Variants in ZC3H12B observed in about 807,000 individuals in gnomAD.
ZC3H12B encodes the protein zinc finger CCCH-type containing 12B, also known as probable ribonuclease ZC3H12B.
ZC3H12B carries 7 observed loss-of-function variants against 43.9 expected under a neutral mutation model. The ratio of observed to expected loss-of-function variants is 0.16; its 90% CI spans 0.09 to 0.30. The LOEUF is 0.30. Among genes scored for constraint, ZC3H12B ranks in the 10% least tolerant of loss-of-function variants. The probability of loss-of-function intolerance (pLI) is 1.00; values close to 1 mark genes in which losing one functional copy is unlikely to be tolerated. For missense variants in ZC3H12B, 475 were observed against 670.2 expected, an observed-to-expected ratio of 0.71 and a Z score of 3.22; for synonymous variants, 222 against 241.7, an observed-to-expected ratio of 0.92 and a Z score of 0.76.
the ZC3H12B span, among the ~76,000 whole-genome samples, chrX:65,192,281 A>C: frequency 1.8e-5 from 2 of 111,623 alleles, no homozygotes; most frequent in East Asian, 5.6e-4. Context: ...TATTTTGTTG[A>C]TTTGGGGTGG....
the ZC3H12B span, among the ~76,000 whole-genome samples, chrX:65,166,744 G>A: frequency 8.9e-6 from 1 of 111,821 alleles, no homozygotes; most frequent in Non-Finnish European, 1.9e-5. Flanking sequence ...ATTCTAACTG[G>A]TGTGAGATGG....
chrX:65,179,322 G>T, the ZC3H12B span, among the ~76,000 whole-genome samples: 1 of 109,429 alleles, frequency 9.1e-6, no homozygotes, highest in Admixed American at 9.9e-5. Context: ...CGGGTTGATG[G>T]TTGCAGCACA....
the ZC3H12B span, among the ~76,000 whole-genome samples, chrX:65,230,365 C>A: frequency 9.3e-6 from 1 of 107,909 alleles, no homozygotes. Context: ...AGGGGAACAT[C>A]ACACTCTGGG....
the ZC3H12B span, among the ~76,000 whole-genome samples, chrX:65,336,803 A>T: frequency 8.9e-6 from 1 of 112,466 alleles, no homozygotes; most frequent in African/African-American, 3.2e-5. Flanking sequence ...CAGTTCCATT[A>T]GCTCTCAAGT....
At chrX:65,226,816 C>T in the ZC3H12B span, among the ~76,000 whole-genome samples, 3 of 111,617 alleles carry the variant, frequency 2.7e-5, no homozygotes, top group Non-Finnish European at 3.8e-5. Flanking sequence ...GGGATCAATG[C>T]AACCAGAAGA....
At chrX:65,197,639 G>A in the ZC3H12B span, among the ~76,000 whole-genome samples, 1 of 111,998 alleles carries the variant, frequency 8.9e-6, no homozygotes, top group Non-Finnish European at 1.9e-5. Context: ...ACCTATTTAT[G>A]TCATTCCCCA....
chrX:65,119,305 G>C, the ZC3H12B span, among the ~76,000 whole-genome samples: 1 of 111,244 alleles, frequency 9.0e-6, no homozygotes, highest in African/African-American at 3.3e-5. Flanking sequence ...ATCCTCTCCA[G>C]CACCTGTTGT....
the ZC3H12B span, among the ~76,000 whole-genome samples, chrX:65,122,074 G>T: frequency 9.0e-6 from 1 of 110,866 alleles, no homozygotes; most frequent in African/African-American, 3.3e-5. Context: ...CAACTGTGTG[G>T]TCAGTTTTGG....
chrX:65,211,070 TAAAAAAAAAAAAAGAAAGAA>T, the ZC3H12B span, among the ~76,000 whole-genome samples: 3 of 28,228 alleles, frequency 1.1e-4, no homozygotes, highest in African/African-American at 2.8e-4. Context: ...TAGAGTATAA[TAAAAAAAAAAAAAGAAAGAA>T]AAAAAAAAAA....
At chrX:65,441,991 A>G (rs1016877265) in intron 3 of ZC3H12B, among the ~76,000 whole-genome samples, 2 of 106,764 alleles carry the variant, frequency 1.9e-5, no homozygotes, top group Non-Finnish European at 3.9e-5. Context: ...CATTTTGGAC[A>G]TATTTCAGGC....
At chrX:65,450,709 GTATATGTATACATATGTGTATA>G (rs1569413125) in intron 3 of ZC3H12B, among the ~76,000 whole-genome samples, 2 of 19,224 alleles carry the variant, frequency 1.0e-4, no homozygotes, top group Admixed American at 1.4e-3. Flanking sequence ...GTGTATATAT[GTATATGTATACATATGTGTATA>G]TATGTATATA....
At chrX:65,385,239 C>A (rs1250033302) in intron 2 of ZC3H12B, among the ~76,000 whole-genome samples, 1 of 112,000 alleles carries the variant, frequency 8.9e-6, no homozygotes, top group Non-Finnish European at 1.9e-5. Flanking sequence ...TTACCTTGGG[C>A]AGTATGGCCA....
chrX:65,098,518 G>A, the ZC3H12B span, among the ~76,000 whole-genome samples: 1 of 109,789 alleles, frequency 9.1e-6, no homozygotes, highest in Admixed American at 9.8e-5. Context: ...CAGGAGGCAG[G>A]TAATTTCTGC....
the ZC3H12B span, among the ~76,000 whole-genome samples, chrX:65,040,716 T>G: frequency 9.0e-6 from 1 of 111,187 alleles, no homozygotes; most frequent in African/African-American, 3.3e-5. Flanking sequence ...AGTCAATGGA[T>G]TATATGTAAA....
chrX:65,193,994 G>T, the ZC3H12B span, among the ~76,000 whole-genome samples: 3 of 110,581 alleles, frequency 2.7e-5, no homozygotes, highest in East Asian at 8.6e-4. Flanking sequence ...ACTTCATGTG[G>T]CTGGAGCAAG....
the ZC3H12B span, among the ~76,000 whole-genome samples, chrX:65,082,590 A>G: frequency 9.0e-6 from 1 of 111,343 alleles, no homozygotes; most frequent in Non-Finnish European, 1.9e-5. Context: ...GAACAGATCA[A>G]TAACAAGTAA....
the ZC3H12B span, among the ~76,000 whole-genome samples, chrX:65,251,154 A>G: frequency 8.0e-5 from 9 of 111,857 alleles, no homozygotes; most frequent in Non-Finnish European, 1.7e-4. Context: ...CTTTCTACAT[A>G]TGGCTAGCCA....
chrX:65,268,806 A>G, the ZC3H12B span, among the ~76,000 whole-genome samples: 79 of 112,083 alleles, frequency 7.0e-4, no homozygotes, highest in East Asian at 0.016. Flanking sequence ...AAACAACTGG[A>G]AAGTTTTTCA....
the ZC3H12B span, among the ~76,000 whole-genome samples, chrX:65,236,184 G>A: frequency 1.8e-5 from 2 of 111,933 alleles, no homozygotes; most frequent in Non-Finnish European, 3.8e-5. Context: ...GGCTCTATCT[G>A]GAACAGGCAG....
Sources: allele counts gnomAD v4.1 joint callset (sites outside exome capture counted in the v4.1 genomes callset), GRCh38; gene constraint gnomAD v4.1.1; transcripts MANE v1.5; gene names NCBI Gene and HGNC (gene_info 2026-07-23, HGNC 2026-07-21).